Variants in PPARGC1A observed in about 807,000 individuals in gnomAD.
The protein encoded by PPARGC1A is peroxisome proliferator-activated receptor gamma coactivator 1-alpha.
A neutral mutation model predicts 88.7 loss-of-function variants in PPARGC1A; 25 were observed. The observed-to-expected ratio is 0.28, with a 90% CI of 0.21 to 0.39. PPARGC1A has a LOEUF of 0.39. Ranked by LOEUF, PPARGC1A falls within the 10% of genes least tolerant of loss-of-function variation. The pLI is 1.00. For missense variants in PPARGC1A, 880 were observed against 968.7 expected (o/e 0.91, Z 1.22); for synonymous variants, 363 against 355.6 (o/e 1.02, Z -0.24).
chr4:23,959,935 C>A, the PPARGC1A span, among the ~76,000 whole-genome samples: 1 of 152,102 alleles, frequency 6.6e-6, no homozygotes, highest in Non-Finnish European at 1.5e-5. Flanking sequence ...AACCTTGAGT[C>A]TGTAAAAAAG....
chr4:24,071,819 T>G, the PPARGC1A span, among the ~76,000 whole-genome samples: 1 of 152,160 alleles, frequency 6.6e-6, no homozygotes, highest in Non-Finnish European at 1.5e-5. Flanking sequence ...GTCTGAACTT[T>G]GGTTTCTTTT....
chr4:24,432,455 AG>A, the PPARGC1A span, among the ~76,000 whole-genome samples: 1 of 152,206 alleles, frequency 6.6e-6, no homozygotes, highest in Non-Finnish European at 1.5e-5. Context: ...GAAGCACCAA[AG>A]ACTTAGCGCA....
At chr4:23,823,777 C>A (rs905455440) in intron 7 of PPARGC1A, among the ~76,000 whole-genome samples, 14 of 152,084 alleles carry the variant, frequency 9.2e-5, no homozygotes, top group Admixed American at 6.6e-4. Flanking sequence ...TTGACCAAGT[C>A]ATGCAATCAT....
chr4:24,025,437 T>C, the PPARGC1A span, among the ~76,000 whole-genome samples: 1 of 152,162 alleles, frequency 6.6e-6, no homozygotes, highest in Non-Finnish European at 1.5e-5. Flanking sequence ...TTCTCACAAT[T>C]CACATTCATT....
At chr4:23,945,059 T>C in the PPARGC1A span, among the ~76,000 whole-genome samples, 1 of 152,110 alleles carries the variant, frequency 6.6e-6, no homozygotes, top group African/African-American at 2.4e-5. Context: ...ACATATCTCA[T>C]AGGGGCTAGT....
the PPARGC1A span, among the ~76,000 whole-genome samples, chr4:24,365,866 C>A: frequency 6.6e-6 from 1 of 152,070 alleles, no homozygotes; most frequent in African/African-American, 2.4e-5. Flanking sequence ...TCTTAACAAG[C>A]TATAGGCAGA....
At chr4:24,188,194 A>G in the PPARGC1A span, among the ~76,000 whole-genome samples, 1 of 151,626 alleles carries the variant, frequency 6.6e-6, no homozygotes, top group Non-Finnish European at 1.5e-5. Flanking sequence ...AGGGGGAGAA[A>G]AATGGTACCA....
chr4:24,023,441 G>A, the PPARGC1A span, among the ~76,000 whole-genome samples: 1 of 152,200 alleles, frequency 6.6e-6, no homozygotes, highest in African/African-American at 2.4e-5. Context: ...GAAAGACAGA[G>A]ACCAGTGGCC....
chr4:23,923,132 T>A, the PPARGC1A span, among the ~76,000 whole-genome samples: 5 of 151,742 alleles, frequency 3.3e-5, no homozygotes, highest in African/African-American at 9.7e-5. Context: ...TTTTTTTTTT[T>A]TTTTATTTTT....
upstream of PPARGC1A, among the ~76,000 whole-genome samples, chr4:23,900,769 A>G (rs1577700888): frequency 6.6e-6 from 1 of 152,194 alleles, no homozygotes; most frequent in South Asian, 2.1e-4. Flanking sequence ...TTGTTTCTCT[A>G]CTTACCTAAA....
At chr4:24,224,515 T>C in the PPARGC1A span, among the ~76,000 whole-genome samples, 1 of 152,336 alleles carries the variant, frequency 6.6e-6, no homozygotes, top group East Asian at 1.9e-4. Flanking sequence ...GTCTGGCATA[T>C]GCTCAGTCAT....
chr4:24,146,649 T>C, the PPARGC1A span, among the ~76,000 whole-genome samples: 1 of 152,214 alleles, frequency 6.6e-6, no homozygotes, highest in Non-Finnish European at 1.5e-5. Context: ...GCATGCTGCC[T>C]ATATGAGGCC....
the PPARGC1A span, among the ~76,000 whole-genome samples, chr4:24,073,591 A>C: frequency 1.3e-3 from 196 of 152,302 alleles, 1 homozygote; most frequent in South Asian, 7.1e-3. Context: ...TGGGAGTGAT[A>C]GCGAGATGAT....
the PPARGC1A span, among the ~76,000 whole-genome samples, chr4:23,934,272 C>T: frequency 2.0e-5 from 3 of 152,136 alleles, no homozygotes; most frequent in Admixed American, 1.3e-4. Context: ...AACAAGGGGA[C>T]GTCACTGGAT....
At chr4:24,239,012 G>A in the PPARGC1A span, among the ~76,000 whole-genome samples, 1 of 152,072 alleles carries the variant, frequency 6.6e-6, no homozygotes, top group Non-Finnish European at 1.5e-5. Context: ...CTATCTTTCA[G>A]GCACTTTGCT....
the PPARGC1A span, among the ~76,000 whole-genome samples, chr4:23,986,189 T>G: frequency 6.6e-6 from 1 of 151,962 alleles, no homozygotes; most frequent in East Asian, 1.9e-4. Context: ...GGTAAAGTGT[T>G]CACTGGGATA....
At chr4:24,345,777 T>C in the PPARGC1A span, among the ~76,000 whole-genome samples, 3 of 152,196 alleles carry the variant, frequency 2.0e-5, no homozygotes, top group African/African-American at 7.2e-5. Flanking sequence ...TTTATTTCTT[T>C]CTCTTGCCTG....
At chr4:24,312,086 A>G in the PPARGC1A span, among the ~76,000 whole-genome samples, 1 of 152,208 alleles carries the variant, frequency 6.6e-6, no homozygotes, top group Non-Finnish European at 1.5e-5. Context: ...GTGTATCTCT[A>G]TAACAAGTTT....
chr4:24,168,620 CACACACAA>C, the PPARGC1A span, among the ~76,000 whole-genome samples: 2 of 148,740 alleles, frequency 1.3e-5, no homozygotes, highest in African/African-American at 5.2e-5. Flanking sequence ...CTCACACACA[CACACACAA>C]ACACACAGAC....
Sources: allele counts gnomAD v4.1 joint callset (sites outside exome capture counted in the v4.1 genomes callset), GRCh38; gene constraint gnomAD v4.1.1; transcripts MANE v1.5; gene names NCBI Gene and HGNC (gene_info 2026-07-23, HGNC 2026-07-21).